Variants in KDM4C observed in about 807,000 individuals in gnomAD.
KDM4C encodes lysine demethylase 4C.
Under a neutral mutation model 129.3 loss-of-function variants are expected in KDM4C, and 81 were observed. The ratio of observed to expected loss-of-function variants is 0.63; its 90% CI spans 0.52 to 0.75. KDM4C has a LOEUF of 0.75. Among genes scored for constraint, KDM4C ranks in the 30% least tolerant of loss-of-function variants. The probability of loss-of-function intolerance (pLI) is 0.00; values close to 1 mark genes in which losing one functional copy is unlikely to be tolerated. For missense variants in KDM4C, 1,457 were observed against 1,304.0 expected (o/e 1.12, Z -1.81); for synonymous variants, 573 against 456.1 (o/e 1.26, Z -3.26).
At chr9:6,994,402 G>T (rs1280319525) in intron 12 of KDM4C, among the ~76,000 whole-genome samples, 2 of 151,986 alleles carry the variant, frequency 1.3e-5, no homozygotes, top group African/African-American at 2.4e-5. Context: ...TCAATCCCTT[G>T]TCACCACTCA....
intron 2 of KDM4C, among the ~76,000 whole-genome samples, chr9:6,799,391 C>T (rs141935044): frequency 1.9e-4 from 29 of 152,294 alleles, no homozygotes; most frequent in African/African-American, 6.7e-4. Context: ...AGCGAAACCC[C>T]GTCTCCACCA....
chr9:7,130,145 CTG>C (rs534236807), intron 19 of KDM4C, among the ~76,000 whole-genome samples: 2 of 152,284 alleles, frequency 1.3e-5, no homozygotes, highest in East Asian at 3.9e-4. Context: ...CTTGTGAAGA[CTG>C]TGAATATTGA....
chr9:6,839,422 T>C (rs1836492032), intron 4 of KDM4C, among the ~76,000 whole-genome samples: 1 of 129,772 alleles, frequency 7.7e-6, no homozygotes, highest in African/African-American at 3.0e-5. Context: ...TTTTTTCTGG[T>C]AGAGATAGGG....
At chr9:7,076,067 CAT>C (rs1022201340) in intron 17 of KDM4C, among the ~76,000 whole-genome samples, 4 of 152,172 alleles carry the variant, frequency 2.6e-5, no homozygotes, top group Middle Eastern at 3.2e-3. Context: ...GGTGCCATCA[CAT>C]GTGTTATCTT....
At chr9:7,085,777 C>T (rs2132984825) in intron 17 of KDM4C, among the ~76,000 whole-genome samples, 1 of 152,180 alleles carries the variant, frequency 6.6e-6, no homozygotes, top group Non-Finnish European at 1.5e-5. Context: ...ATGCGTTAAC[C>T]CCTCCTGAAG....
chr9:6,816,116 T>A (rs1832042966), intron 4 of KDM4C, among the ~76,000 whole-genome samples: 1 of 152,234 alleles, frequency 6.6e-6, no homozygotes, highest in Non-Finnish European at 1.5e-5. Context: ...ATAAGTGATC[T>A]ATGGGGTATA....
chr9:6,757,490 C>G (rs1818404967), upstream of KDM4C, among the ~76,000 whole-genome samples: 2 of 152,234 alleles, frequency 1.3e-5, no homozygotes, highest in Non-Finnish European at 2.9e-5. Flanking sequence ...GAAGGAGGCT[C>G]AGTGGTCCCG....
chr9:6,835,009 G>C, intron 4 of KDM4C: 2 of 953,574 alleles, frequency 2.1e-6, no homozygotes, highest in Non-Finnish European at 3.5e-6. Context: ...GCCGGGACCT[G>C]ACTACCTCAT....
chr9:7,087,130 C>T (rs1449503753), intron 17 of KDM4C, among the ~76,000 whole-genome samples: 1 of 151,448 alleles, frequency 6.6e-6, no homozygotes, highest in Admixed American at 6.6e-5. Flanking sequence ...AAGGAGTACC[C>T]AAATGATGTC....
intron 17 of KDM4C, among the ~76,000 whole-genome samples, chr9:7,080,955 T>C (rs772063329): frequency 6.6e-6 from 1 of 152,226 alleles, no homozygotes; most frequent in Non-Finnish European, 1.5e-5. Context: ...AACAGGCCCT[T>C]AGTGATTCAC....
chr9:7,083,710 G>GGTGTGTGTGT (rs1257662179), intron 17 of KDM4C, among the ~76,000 whole-genome samples: 1,002 of 65,512 alleles, frequency 0.015, 16 homozygotes, highest in South Asian at 0.068. Context: ...GCACATGACT[G>GGTGTGTGTGT]ATGTGTGTGT....
intron 19 of KDM4C, among the ~76,000 whole-genome samples, chr9:7,137,883 A>G (rs191916110): frequency 6.6e-6 from 1 of 152,328 alleles, no homozygotes; most frequent in East Asian, 1.9e-4. Flanking sequence ...TGGGATTTAA[A>G]TTATTTTGGC....
chr9:6,945,138 C>T (rs1826724838), intron 8 of KDM4C, among the ~76,000 whole-genome samples: 1 of 152,090 alleles, frequency 6.6e-6, no homozygotes, highest in Non-Finnish European at 1.5e-5. Flanking sequence ...ACCCGTGGAC[C>T]CGCACACATA....
intron 8 of KDM4C, chr9:6,941,836 A>ATGTTTC (rs1349368525): frequency 6.6e-6 from 1 of 150,444 alleles, no homozygotes; most frequent in African/African-American, 2.4e-5. Context: ...GTGTGTGTGT[A>ATGTTTC]TGTTTCTGTG....
intron 17 of KDM4C, among the ~76,000 whole-genome samples, chr9:7,067,889 G>A (rs567182171): frequency 5.9e-5 from 9 of 152,004 alleles, no homozygotes; most frequent in Admixed American, 2.0e-4. Flanking sequence ...TCCGTCTCCC[G>A]GGTTCATGCC....
intron 18 of KDM4C, among the ~76,000 whole-genome samples, chr9:7,124,729 T>A (rs565334206): frequency 6.6e-6 from 1 of 152,304 alleles, no homozygotes; most frequent in African/African-American, 2.4e-5. Flanking sequence ...AATGTTTACA[T>A]ACCTACCGAC....
chr9:6,781,114 T>C (rs771966087), intron 1 of KDM4C, among the ~76,000 whole-genome samples: 2 of 152,178 alleles, frequency 1.3e-5, no homozygotes, highest in African/African-American at 2.4e-5. Context: ...GGCTAGTCAA[T>C]TGTAGTCTGT....
chr9:6,765,226 C>G (rs1820376881), intron 1 of KDM4C, among the ~76,000 whole-genome samples: 2 of 152,158 alleles, frequency 1.3e-5, no homozygotes, highest in South Asian at 4.1e-4. Flanking sequence ...GATGGTTTTT[C>G]ATGTTCTCTC....
chr9:6,990,441 C>T lies in KDM4C; in HGVS notation c.1703C>T (p.Ser568Phe). The T allele has an allele frequency of 1.9e-6, 3 of 1,612,872 alleles. No individual in the cohort carries two copies. Among genetic ancestry groups the T allele is most frequent in the East Asian group, 4.5e-5 (2 of 44,846 alleles). ...PSIAEGENKT[S>F]KSWRHPLSRP... ...ATAGCAGAGGGAGAGAACAAAACCT[C>T]TAAGAGTTGGCGCCATCCACTTAGC... Residue 568 changes from serine to phenylalanine, a missense_variant, in exon 12 of 22, where the codon TCT (serine) becomes TTT (phenylalanine). Transcript: ENST00000381309.
Sources: allele counts gnomAD v4.1 joint callset (sites outside exome capture counted in the v4.1 genomes callset), GRCh38; gene constraint gnomAD v4.1.1; transcripts MANE v1.5; gene names NCBI Gene and HGNC (gene_info 2026-07-23, HGNC 2026-07-21).